TAF9B: variants seen among roughly 807,000 people sequenced by gnomAD.
TAF9B encodes the protein TATA-box binding protein associated factor 9b.
TAF9B carries 47 observed loss-of-function variants against 17.6 expected under a neutral mutation model. The observed-to-expected ratio is 2.68, with a 90% CI of 2.12 to 3.41. The LOEUF (loss-of-function observed/expected upper bound fraction) is 3.41. Ranked by LOEUF, TAF9B falls within the 30% of genes most tolerant of loss-of-function variation. The probability of loss-of-function intolerance (pLI) is 0.00; values close to 1 mark genes in which losing one functional copy is unlikely to be tolerated. For synonymous variants in TAF9B, 84 were observed against 68.7 expected, an observed-to-expected ratio of 1.22 and a Z score of -1.10; for missense variants, 218 against 189.3, an observed-to-expected ratio of 1.15 and a Z score of -0.89.
intron 4 of TAF9B, 147 bp from the exon 5 acceptor site, chrX:78,137,137 T>A (rs781985814): frequency 4.8e-6 from 2 of 419,113 alleles, no homozygotes; most frequent in South Asian, 8.5e-5. Flanking sequence ...AATCCAACAT[T>A]TAATCTGGGG....
rs782279615 is a variant in TAF9B at position 78,131,677 on chromosome X, TTC to T, written c.687_688del (p.Asn230HisfsTer4). ...CAGTGGGTTTGCTTCATTGGCTGTGTTCTGTGACGAAACCATGTTGGTGGTAA... is the reference window on the plus strand; with the variant it reads ...CAGTGGGTTTGCTTCATTGGCTGTGTTGTGACGAAACCATGTTGGTGGTAA... On this transcript the variant is annotated frameshift_variant, in exon 7 of 7. Transcript: ENST00000341864. LOFTEE classifies it high-confidence loss of function. The T allele has an allele frequency of 2.5e-6, 3 of 1,210,823 alleles. No individual in the cohort carries two copies. In the Admixed American group the frequency reaches 6.5e-5, roughly 26 times the overall value.
At chrX:78,138,472 T>TA (rs1307617502) in intron 2 of TAF9B, among the ~76,000 whole-genome samples, 5 of 113,071 alleles carry the variant, frequency 4.4e-5, no homozygotes, top group African/African-American at 1.6e-4. Flanking sequence ...AAAATGTTCT[T>TA]ACAAGGCTGG....
intron 6 of TAF9B, 46 bp from the exon 7 acceptor site, chrX:78,131,819 C>T: frequency 9.9e-6 from 11 of 1,108,939 alleles, no homozygotes; most frequent in East Asian, 3.0e-5. Flanking sequence ...CTATGAATTA[C>T]CCAGAATCTG....
intron 6 of TAF9B, 81 bp from the exon 7 acceptor site, chrX:78,131,854 CA>C: frequency 1.1e-6 from 1 of 932,694 alleles, no homozygotes; most frequent in East Asian, 3.1e-5. Context: ...AAGTATACAA[CA>C]AAGCTGAATG....
chrX:78,139,632 C>A lies in TAF9B; in HGVS notation c.-21G>T. On this transcript the variant is annotated 5_prime_UTR_variant, in exon 1 of 7. Coordinates refer to ENST00000341864, the MANE Select transcript of TAF9B (RefSeq NM_015975.5). ...TCCATGTTATCCAGCCACTCGTCAT[C>A]CGCGGAGACAGAGGAGAGAGGAGAG... is the stretch of plus-strand genomic sequence containing the variant. The A allele has an allele frequency of 2.5e-6, 3 of 1,211,264 alleles. No individual in the cohort carries two copies. The highest frequency in any genetic ancestry group is 1.8e-5 in the South Asian group (1 of 56,936).
At chrX:78,136,006 C>T (rs2078432806) in intron 5 of TAF9B, among the ~76,000 whole-genome samples, 2 of 111,470 alleles carry the variant, frequency 1.8e-5, no homozygotes, top group African/African-American at 6.5e-5. Context: ...GTTTACACAC[C>T]TCAAAAATCA....
chrX:78,132,367 T>G (rs961363269), intron 6 of TAF9B, among the ~76,000 whole-genome samples: 4 of 111,765 alleles, frequency 3.6e-5, no homozygotes, highest in Non-Finnish European at 7.5e-5. Context: ...ACATATCTAG[T>G]ACAAGGTTGA....
rs1410891699 is a variant in TAF9B, at chrX:78,131,774, C to G, written c.593-1G>C. ...TTTTGAACTGCAGTTGTTGCAGGAACTGTAAACAGAGAAGAAAGCCCCCCC... is the reference window on the plus strand; with the variant it reads ...TTTTGAACTGCAGTTGTTGCAGGAAGTGTAAACAGAGAAGAAAGCCCCCCC... On this transcript the variant is annotated splice_acceptor_variant, in intron 6 of 6. Coordinates refer to ENST00000341864, the MANE Select transcript of TAF9B (RefSeq NM_015975.5). LOFTEE classifies it high-confidence loss of function. 1 of 1,197,655 alleles carries G rather than the reference C, an allele frequency of 8.3e-7. No individual in the cohort carries two copies. Among genetic ancestry groups the G allele is most frequent in the Non-Finnish European group, 1.1e-6 (1 of 889,100 alleles).
chrX:78,132,992 C>T (rs185318550), intron 6 of TAF9B, among the ~76,000 whole-genome samples: 1 of 111,728 alleles, frequency 9.0e-6, no homozygotes, highest in Admixed American at 9.5e-5. Context: ...TATTTTATTA[C>T]AGTATGTTGT....
At chrX:78,132,196 G>A (rs1396386593) in intron 6 of TAF9B, among the ~76,000 whole-genome samples, 3 of 110,589 alleles carry the variant, frequency 2.7e-5, no homozygotes, top group African/African-American at 3.3e-5. Context: ...GTTTCACCAC[G>A]TTGGCCAGGC....
chrX:78,138,768 AG>A lies in TAF9B; in HGVS notation c.133+74del, dbSNP rs1267078318. On this transcript the variant is annotated intron_variant, in intron 2 of 6. Transcript: ENST00000341864. ...TCCCTGTCTCAAAAAAGAAAATAAAAGAAAATGTTCTTACAATAAAAATATC... is the reference window on the plus strand; with the variant it reads ...TCCCTGTCTCAAAAAAGAAAATAAAAAAAATGTTCTTACAATAAAAATATC... The A allele has an allele frequency of 3.5e-6, 3 of 866,429 alleles. No homozygotes were observed. In the African/African-American group the frequency reaches 5.9e-5, roughly 17 times the overall value. 71.4% of individuals were successfully genotyped at this position (866,429 alleles called of 1,213,427 possible). A position where few individuals can be genotyped will look rare whatever the true frequency, so the allele number is the denominator to read the frequency against.
At chrX:78,134,873 T>C (rs782144222) in intron 5 of TAF9B, among the ~76,000 whole-genome samples, 3 of 111,446 alleles carry the variant, frequency 2.7e-5, no homozygotes, top group Non-Finnish European at 5.7e-5. Flanking sequence ...GCTTTAAAAC[T>C]GAACACATTA....
At chrX:78,137,509 C>G (rs2078438456) in intron 4 of TAF9B, among the ~76,000 whole-genome samples, 1 of 111,332 alleles carries the variant, frequency 9.0e-6, no homozygotes, top group Non-Finnish European at 1.9e-5. Context: ...GGAATCAGTC[C>G]TAGCTTTGCT....
Position 78,137,979 on chromosome X carries a change from A to C in TAF9B, c.253T>G (p.Ser85Ala). The C allele has an allele frequency of 8.3e-7, 1 of 1,209,084 alleles. No homozygotes were observed. The change falls in exon 3 of 7, where the codon TCT (serine) becomes GCT (alanine). Residue 85 changes from serine (S) to alanine (A), a missense_variant. By Grantham distance (99) the Ser-to-Ala change is moderately conservative. Coordinates refer to ENST00000341864, the MANE Select transcript of TAF9B (RefSeq NM_015975.5). ...TTGCTCACATCTCTTGGGGGAGGAG[A>C]GGTAAAAGATTGGTCAGCACGACAC... ...IQCRADQSFT[S>A]PPPRDFLLDI...
rs1557250094 is a variant in TAF9B at position 78,136,884 on chromosome X, G to C, written c.481+31C>G. 2.7e-6 allele frequency: 3 copies of C among 1,104,015 alleles called. No individual in the cohort carries two copies. In the Admixed American group the frequency reaches 6.6e-5, roughly 24 times the overall value. The allele number at this position is 1,104,015 out of a possible 1,213,427, so 91.0% of individuals were successfully genotyped here. A position where few individuals can be genotyped will look rare whatever the true frequency, so the allele number is the denominator to read the frequency against. On this transcript the variant is annotated intron_variant, in intron 5 of 6. Coordinates refer to ENST00000341864, the MANE Select transcript of TAF9B (RefSeq NM_015975.5). ...CAAGTGCTGAGGCACTGCTTTACCA[G>C]CCAGAAATGCCATTGTCTCCTCTCA...
Position 78,131,448 on chromosome X carries a change from T to C in TAF9B, c.*162A>G. ...AATTGAAGCCTACTGAAAAACACAT[T>C]TGTATGTTTACTAAAGAGATCTAAC... On this transcript the variant is annotated 3_prime_UTR_variant, in exon 7 of 7. Coordinates refer to ENST00000341864, the MANE Select transcript of TAF9B (RefSeq NM_015975.5). The C allele has an allele frequency of 2.5e-6, 1 of 396,708 alleles. No homozygotes were observed. The highest frequency in any genetic ancestry group is 4.3e-6 in the Non-Finnish European group (1 of 235,108). 32.7% of individuals were successfully genotyped at this position (396,708 alleles called of 1,213,427 possible).
In TAF9B at chrX:78,129,884, G is replaced by GTTACT. The variant is rs1163161144; in HGVS notation, c.*1721_*1725dup. 9.8e-5 allele frequency: 11 copies of GTTACT among 112,245 alleles called. 1 individual carries two copies. In the Admixed American group the frequency reaches 1.0e-3, roughly 11 times the overall value. 9.3% of individuals were successfully genotyped at this position (112,245 alleles called of 1,213,427 possible). A position where few individuals can be genotyped will look rare whatever the true frequency, so the allele number is the denominator to read the frequency against. ...GCCCTGTGAGGTAGGCAGGGTAGGTGTTACTTTCCTACTGCTAGTGAGGAG... is the reference window on the plus strand; with the variant it reads ...GCCCTGTGAGGTAGGCAGGGTAGGTGTTACTTTACTTTCCTACTGCTAGTGAGGAG... On this transcript the variant is annotated 3_prime_UTR_variant, in exon 7 of 7. Transcript: ENST00000341864.
chrX:78,136,990 C>A lies in TAF9B; in HGVS notation c.406G>T (p.Gly136Ter). The A allele has an allele frequency of 8.4e-7, 1 of 1,183,720 alleles. No individual in the cohort carries two copies. The change falls in exon 5 of 7, where the codon GGA becomes TGA. Residue 136 changes from glycine (G) to a stop codon, truncating the protein, a stop_gained and splice_region_variant. Coordinates refer to ENST00000341864, the MANE Select transcript of TAF9B (RefSeq NM_015975.5). LOFTEE classifies it high-confidence loss of function. The part of the protein sequence containing the change: ...NYRLKSLIKK[G>*]PNQGRLVPRL... ...GGAACTAGTCTCCCTTGGTTAGGTC[C>A]CTAGGGGATTTAAAAAACAAATTAA...
rs2078442115 is a variant in TAF9B at position 78,138,203 on chromosome X, T to C, written c.134-105A>G. The C allele has an allele frequency of 3.3e-6, 3 of 914,192 alleles. No individual in the cohort carries two copies. The Admixed American group carries it at 9.9e-5, about 30-fold the overall frequency. 75.3% of individuals were successfully genotyped at this position (914,192 alleles called of 1,213,427 possible). ...CACTAATTTGTAGACGGTTTATAAA[T>C]TTTGTGGGTTTTTGTAGAGACAGGG... On this transcript the variant is annotated intron_variant, in intron 2 of 6. Transcript: ENST00000341864.
Sources: allele counts gnomAD v4.1 joint callset (sites outside exome capture counted in the v4.1 genomes callset), GRCh38; gene constraint gnomAD v4.1.1; transcripts MANE v1.5; gene names NCBI Gene and HGNC (gene_info 2026-07-23, HGNC 2026-07-21).